PTPRD: variants seen among roughly 807,000 people sequenced by gnomAD.
The protein encoded by PTPRD is receptor-type tyrosine-protein phosphatase delta.
PTPRD carries 34 observed loss-of-function variants against 214.5 expected under a neutral mutation model. The ratio of observed to expected loss-of-function variants is 0.16; its 90% CI spans 0.12 to 0.21. The LOEUF is 0.21. Among genes scored for constraint, PTPRD ranks in the 10% least tolerant of loss-of-function variants. PTPRD has a pLI of 1.00. For missense variants in PTPRD, 2,545 were observed against 2,398.7 expected (o/e 1.06, Z -1.27); for synonymous variants, 1,128 against 845.7 (o/e 1.33, Z -5.79).
At chr9:10,477,369 C>T (rs760702959) in intron 2 of PTPRD, among the ~76,000 whole-genome samples, 34 of 152,022 alleles carry the variant, frequency 2.2e-4, no homozygotes, top group Non-Finnish European at 2.6e-4. Context: ...GGCCAACAAA[C>T]GCGTGAAAAA....
At chr9:9,489,057 CA>C (rs1471511906) in intron 8 of PTPRD, among the ~76,000 whole-genome samples, 1 of 152,084 alleles carries the variant, frequency 6.6e-6, no homozygotes, top group African/African-American at 2.4e-5. Flanking sequence ...CATAAAGGGC[CA>C]GCACTCTTTT....
At chr9:9,321,739 C>CT (rs1386264008) in intron 9 of PTPRD, among the ~76,000 whole-genome samples, 1 of 152,054 alleles carries the variant, frequency 6.6e-6, no homozygotes, top group Non-Finnish European at 1.5e-5. Flanking sequence ...TTTATTTTCT[C>CT]TATCTTGATT....
intron 11 of PTPRD, among the ~76,000 whole-genome samples, chr9:8,868,391 AG>A (rs2098236785): frequency 6.6e-6 from 1 of 152,002 alleles, no homozygotes; most frequent in Admixed American, 6.6e-5. Context: ...TTAGTAGAGA[AG>A]GGGGTGTCAC....
chr9:9,308,877 C>A (rs1371987710), intron 9 of PTPRD, among the ~76,000 whole-genome samples: 1 of 151,970 alleles, frequency 6.6e-6, no homozygotes, highest in Non-Finnish European at 1.5e-5. Context: ...GCATTAGAGA[C>A]CCAAAATATC....
rs146515277 is a variant in PTPRD at position 9,715,270 on chromosome 9, A to G, written c.-287+19263T>C. On this transcript the variant is annotated intron_variant, in intron 7 of 45. Transcript: ENST00000381196. ...ATTGCGGGCAATTTGAAGGAAGACA[A>G]TACATTTTTCAACTCTAAATTCTCA... 2.5e-3 allele frequency among the ~76,000 whole-genome samples: 376 copies of G among 152,294 alleles called. 3 individuals carry two copies. Among genetic ancestry groups the G allele is most frequent in the African/African-American group, 8.6e-3 (357 of 41,562 alleles).
chr9:10,533,176 G>A (rs1390499278), intron 2 of PTPRD, among the ~76,000 whole-genome samples: 1 of 151,996 alleles, frequency 6.6e-6, no homozygotes, highest in Non-Finnish European at 1.5e-5. Context: ...TTTCCTCCAG[G>A]AGTGGAAGCA....
chr9:8,691,754 T>C (rs559625991), intron 12 of PTPRD, among the ~76,000 whole-genome samples: 1 of 152,326 alleles, frequency 6.6e-6, no homozygotes, highest in South Asian at 2.1e-4. Flanking sequence ...TTTCACATTT[T>C]CAATGTGATG....
chr9:8,511,316 C>T (rs2097676784), intron 21 of PTPRD, among the ~76,000 whole-genome samples: 1 of 152,120 alleles, frequency 6.6e-6, no homozygotes, highest in Non-Finnish European at 1.5e-5. Flanking sequence ...AGAAATCCTT[C>T]CACCTCGACC....
rs539847674 is a variant in PTPRD at position 10,064,726 on chromosome 9, G to C, written c.-544-30936C>G. ...TATGTCACCCCCAACCTGAGGGACA[G>C]AATCATTTACACCCTAAACCTCAGC... On this transcript the variant is annotated intron_variant, in intron 3 of 45. Coordinates refer to ENST00000381196, the MANE Select transcript of PTPRD (RefSeq NM_002839.4). Among the ~76,000 whole-genome samples, 21 of 151,966 alleles carry C rather than the reference G, an allele frequency of 1.4e-4. No homozygotes were observed. The South Asian group carries it at 4.4e-3, about 32-fold the overall frequency.
chr9:9,541,194 A>C (rs541261628), intron 8 of PTPRD, among the ~76,000 whole-genome samples: 1 of 151,920 alleles, frequency 6.6e-6, no homozygotes, highest in South Asian at 2.1e-4. Flanking sequence ...TGGTCCAGGC[A>C]AAGTTAGAAG....
chr9:8,841,250 G>T (rs549281157), intron 11 of PTPRD, among the ~76,000 whole-genome samples: 1 of 152,158 alleles, frequency 6.6e-6, no homozygotes, highest in Non-Finnish European at 1.5e-5. Context: ...CTTGAAAAAT[G>T]AGTGTCTTCA....
At chr9:9,652,446 T>A (rs2096386828) in intron 7 of PTPRD, among the ~76,000 whole-genome samples, 1 of 152,166 alleles carries the variant, frequency 6.6e-6, no homozygotes, top group African/African-American at 2.4e-5. Flanking sequence ...GGAAGGTATT[T>A]AGAGTTCTTG....
chr9:9,251,928 C>G lies in PTPRD; in HGVS notation c.-202-68565G>C, dbSNP rs184594444. ...CCTTTCCCAAGTGAAATACAAAATACTACCCAGAGTGCCTTCACCAAAAAC... is the reference window on the plus strand; with the variant it reads ...CCTTTCCCAAGTGAAATACAAAATAGTACCCAGAGTGCCTTCACCAAAAAC... On this transcript the variant is annotated intron_variant, in intron 9 of 45. Coordinates refer to ENST00000381196, the MANE Select transcript of PTPRD (RefSeq NM_002839.4). 3.9e-5 allele frequency among the ~76,000 whole-genome samples: 6 copies of G among 152,214 alleles called. No homozygotes were observed. The East Asian group carries it at 9.7e-4, about 25-fold the overall frequency.
chr9:8,757,735 G>C (rs1161289302), intron 11 of PTPRD, among the ~76,000 whole-genome samples: 2 of 150,266 alleles, frequency 1.3e-5, no homozygotes, highest in African/African-American at 2.5e-5. Context: ...TATACTGATA[G>C]CAATGAGCTG....
At chr9:9,103,389 T>A (rs1243557284) in intron 10 of PTPRD, among the ~76,000 whole-genome samples, 1 of 152,086 alleles carries the variant, frequency 6.6e-6, no homozygotes, top group Admixed American at 6.6e-5. Flanking sequence ...AAAGATCAGA[T>A]CTCTGCTTGA....
At chr9:8,710,819 C>T (rs568143201) in intron 12 of PTPRD, among the ~76,000 whole-genome samples, 62 of 152,124 alleles carry the variant, frequency 4.1e-4, no homozygotes, top group African/African-American at 1.4e-3. Flanking sequence ...TATGAAGGGC[C>T]TTCAAACATT....
Position 9,467,997 on chromosome 9 carries a change from A to G in PTPRD, c.-236-70515T>C, listed in dbSNP as rs571333555. ...TCCAACTTTACTATTAAACATCACTATCCTTGAATAGTGATTTAGGAACTT... is the reference window on the plus strand; with the variant it reads ...TCCAACTTTACTATTAAACATCACTGTCCTTGAATAGTGATTTAGGAACTT... On this transcript the variant is annotated intron_variant, in intron 8 of 45. Transcript: ENST00000381196. 2.6e-5 allele frequency among the ~76,000 whole-genome samples: 4 copies of G among 152,196 alleles called. No individual in the cohort carries two copies. In the South Asian group the frequency reaches 6.2e-4, roughly 24 times the overall value.
At chr9:10,346,720 G>C (rs1200697741) in intron 2 of PTPRD, among the ~76,000 whole-genome samples, 1 of 152,150 alleles carries the variant, frequency 6.6e-6, no homozygotes, top group Non-Finnish European at 1.5e-5. Flanking sequence ...GGTAATGAGA[G>C]AGGATATCTT....
chr9:10,197,658 G>C (rs2099403331), intron 3 of PTPRD, among the ~76,000 whole-genome samples: 1 of 152,102 alleles, frequency 6.6e-6, no homozygotes, highest in South Asian at 2.1e-4. Context: ...AAGAATCAAA[G>C]AATGTATTTC....
Sources: allele counts gnomAD v4.1 joint callset (sites outside exome capture counted in the v4.1 genomes callset), GRCh38; gene constraint gnomAD v4.1.1; transcripts MANE v1.5; gene names NCBI Gene and HGNC (gene_info 2026-07-23, HGNC 2026-07-21).